GRM8: variants seen among roughly 807,000 people sequenced by gnomAD.
The protein encoded by GRM8 is metabotropic glutamate receptor 8.
Under a neutral mutation model 87.2 loss-of-function variants are expected in GRM8, and 47 were observed. The ratio of observed to expected loss-of-function variants is 0.54; its 90% CI spans 0.43 to 0.69. GRM8 has a LOEUF of 0.69. Among genes scored for constraint, GRM8 ranks in the 30% least tolerant of loss-of-function variants. GRM8 has a pLI of 0.00. For missense variants in GRM8, 1,019 were observed against 1,139.2 expected (o/e 0.89, Z 1.52); for synonymous variants, 396 against 404.5 (o/e 0.98, Z 0.25).
At chr7:126,632,657 A>G (rs1413217772) in intron 7 of GRM8, among the ~76,000 whole-genome samples, 1 of 152,186 alleles carries the variant, frequency 6.6e-6, no homozygotes, top group Non-Finnish European at 1.5e-5. Context: ...AAGAGACTGG[A>G]TAAAGAAAAT....
intron 8 of GRM8, among the ~76,000 whole-genome samples, chr7:126,598,194 A>G (rs1004386007): frequency 6.8e-6 from 1 of 146,848 alleles, no homozygotes; most frequent in African/African-American, 2.5e-5. Context: ...TATTATTTAA[A>G]TAACTAATTA....
intron 7 of GRM8, among the ~76,000 whole-genome samples, chr7:126,612,461 G>A (rs1331583857): frequency 6.6e-6 from 1 of 152,008 alleles, no homozygotes; most frequent in East Asian, 1.9e-4. Context: ...AGGCTCAAGG[G>A]TCATGCACTT....
intron 8 of GRM8, among the ~76,000 whole-genome samples, chr7:126,562,611 G>T (rs1793823629): frequency 6.6e-6 from 1 of 152,102 alleles, no homozygotes; most frequent in Admixed American, 6.5e-5. Flanking sequence ...ATAAGCGAAG[G>T]TTGCCCGGCG....
At chr7:127,208,775 T>C (rs1177986241) in intron 2 of GRM8, among the ~76,000 whole-genome samples, 1 of 152,016 alleles carries the variant, frequency 6.6e-6, no homozygotes, top group Non-Finnish European at 1.5e-5. Flanking sequence ...GATCTAGCAT[T>C]ACCAGTCTCT....
intron 2 of GRM8, among the ~76,000 whole-genome samples, chr7:127,241,294 A>G (rs550170010): frequency 2.6e-5 from 4 of 152,218 alleles, no homozygotes; most frequent in Non-Finnish European, 5.9e-5. Flanking sequence ...CAAGCCAGAA[A>G]TCCTTTGATT....
chr7:126,921,332 T>C (rs1450108446), intron 3 of GRM8, among the ~76,000 whole-genome samples: 1 of 151,940 alleles, frequency 6.6e-6, no homozygotes, highest in Non-Finnish European at 1.5e-5. Context: ...GCAAAACAAA[T>C]GAAAATGACC....
intron 7 of GRM8, among the ~76,000 whole-genome samples, chr7:126,681,913 G>A (rs1807639411): frequency 6.6e-6 from 1 of 151,864 alleles, no homozygotes; most frequent in South Asian, 2.1e-4. Flanking sequence ...TATTATTTAC[G>A]GTTAATTATC....
chr7:127,140,566 C>T (rs1466629337), intron 2 of GRM8, among the ~76,000 whole-genome samples: 2 of 152,134 alleles, frequency 1.3e-5, no homozygotes, highest in Non-Finnish European at 2.9e-5. Flanking sequence ...GGTGCTGTTA[C>T]CTGTACTTCA....
intron 3 of GRM8, among the ~76,000 whole-genome samples, chr7:127,022,824 C>T (rs1197455680): frequency 1.3e-5 from 2 of 152,086 alleles, no homozygotes; most frequent in African/African-American, 4.8e-5. Context: ...GGCAGTGTAG[C>T]ATAGTGACTT....
chr7:127,072,629 T>C (rs572263614), intron 3 of GRM8, among the ~76,000 whole-genome samples: 1 of 134,574 alleles, frequency 7.4e-6, no homozygotes. Context: ...AACCCTCATA[T>C]TATACTTTTT....
intron 2 of GRM8, among the ~76,000 whole-genome samples, chr7:127,158,610 T>A (rs1434204358): frequency 6.6e-6 from 1 of 152,212 alleles, no homozygotes; most frequent in African/African-American, 2.4e-5. Context: ...CTTGCTAATG[T>A]GTCACCACAT....
intron 7 of GRM8, among the ~76,000 whole-genome samples, chr7:126,677,316 G>C (rs1807069988): frequency 6.7e-6 from 1 of 149,090 alleles, no homozygotes; most frequent in African/African-American, 2.5e-5. Flanking sequence ...CTAGAAGTAG[G>C]TCTTCCATTC....
intron 2 of GRM8, among the ~76,000 whole-genome samples, chr7:127,227,069 A>G (rs1797375820): frequency 6.6e-6 from 1 of 152,246 alleles, no homozygotes; most frequent in Non-Finnish European, 1.5e-5. Context: ...AAGTAAAGGT[A>G]GAGTCAAATA....
At chr7:127,164,812 C>T (rs1793337966) in intron 2 of GRM8, among the ~76,000 whole-genome samples, 1 of 151,992 alleles carries the variant, frequency 6.6e-6, no homozygotes, top group African/African-American at 2.4e-5. Flanking sequence ...AGGAACTCTT[C>T]TTAGAAATTA....
At chr7:126,472,803 G>C (rs968779019) in intron 9 of GRM8, among the ~76,000 whole-genome samples, 2 of 152,196 alleles carry the variant, frequency 1.3e-5, no homozygotes, top group African/African-American at 4.8e-5. Context: ...CTACTGCTTC[G>C]TGCAGTCTCG....
intron 3 of GRM8, among the ~76,000 whole-genome samples, chr7:126,974,781 A>T (rs1016076023): frequency 1.2e-4 from 19 of 152,052 alleles, no homozygotes; most frequent in East Asian, 1.9e-4. Flanking sequence ...AAAATATTTT[A>T]AAAAATTGGC....
At chr7:127,022,191 A>C (rs1325359535) in intron 3 of GRM8, among the ~76,000 whole-genome samples, 2 of 151,386 alleles carry the variant, frequency 1.3e-5, no homozygotes, top group Non-Finnish European at 2.9e-5. Flanking sequence ...TTTCCAATAC[A>C]AATTTTATTA....
At chr7:126,673,829 G>C (rs1285954672) in intron 7 of GRM8, among the ~76,000 whole-genome samples, 1 of 152,152 alleles carries the variant, frequency 6.6e-6, no homozygotes, top group Non-Finnish European at 1.5e-5. Context: ...TGACCTCTAA[G>C]ATACTTTCCA....
chr7:126,790,046 C>T (rs1417458903), intron 6 of GRM8, among the ~76,000 whole-genome samples: 2 of 150,564 alleles, frequency 1.3e-5, no homozygotes, highest in African/African-American at 2.5e-5. Flanking sequence ...TCGCTCTTGT[C>T]GCCCAGGCTG....
Sources: allele counts gnomAD v4.1 joint callset (sites outside exome capture counted in the v4.1 genomes callset), GRCh38; gene constraint gnomAD v4.1.1; transcripts MANE v1.5; gene names NCBI Gene and HGNC (gene_info 2026-07-23, HGNC 2026-07-21).